TTF1: variants seen among roughly 807,000 people sequenced by gnomAD.
TTF1 encodes the protein transcription termination factor 1, also known as transcription termination factor, RNA polymerase I.
TTF1 carries 64 observed loss-of-function variants against 80.2 expected under a neutral mutation model. The observed-to-expected ratio is 0.80, with a 90% CI of 0.65 to 0.98. The LOEUF is 0.98. Among genes scored for constraint, TTF1 ranks in the 50% least tolerant of loss-of-function variants. TTF1 has a pLI of 0.00. For synonymous variants in TTF1, 372 were observed against 382.7 expected, an observed-to-expected ratio of 0.97 and a Z score of 0.33; for missense variants, 1,023 against 1,086.2, an observed-to-expected ratio of 0.94 and a Z score of 0.82.
rs139715208 is a variant in TTF1 at position 132,405,182 on chromosome 9, G to C, written c.-8+1608C>G. 3.1e-3 allele frequency among the ~76,000 whole-genome samples: 462 copies of C among 151,114 alleles called. 2 individuals carry two copies. Among genetic ancestry groups the C allele is most frequent in the African/African-American group, 0.011 (448 of 41,114 alleles). On this transcript the variant is annotated intron_variant, in intron 1 of 10. Transcript: ENST00000334270. The stretch of plus-strand genomic sequence containing the variant: ...GATTACAGGCGTGAGCCACCCACTG[G>C]CTGATTTCTTTTCTTTTCTTTTTTT...
rs1356500744 is a variant in TTF1, at chr9:132,386,539, T to A, written c.2378+17A>T. On this transcript the variant is annotated intron_variant, in intron 9 of 10. Coordinates refer to ENST00000334270, the MANE Select transcript of TTF1 (RefSeq NM_007344.4). ...CTCTATATTTTAATTAGTTTAATAT[T>A]AAACAAATGGTCTTACCCTATGGCA... 3.2e-6 allele frequency: 5 copies of A among 1,587,170 alleles called. No individual in the cohort carries two copies. The highest frequency in any genetic ancestry group is 4.3e-6 in the Non-Finnish European group (5 of 1,158,552).
Position 132,386,713 on chromosome 9 carries a change from T to G in TTF1, c.2313-92A>C, listed in dbSNP as rs1046843671. Reference sequence around the variant, plus strand: ...GTGGAGTGCTGAGAGCTGGAAGGTATGTGCGCTTTCGCCGCATTCCAGCTC... The same window carrying G: ...GTGGAGTGCTGAGAGCTGGAAGGTAGGTGCGCTTTCGCCGCATTCCAGCTC... On this transcript the variant is annotated intron_variant, in intron 8 of 10. Transcript: ENST00000334270. 7.7e-5 allele frequency: 83 copies of G among 1,073,458 alleles called. No individual in the cohort carries two copies. In the African/African-American group the frequency reaches 1.1e-3, roughly 14 times the overall value. 66.5% of individuals were successfully genotyped at this position (1,073,458 alleles called of 1,614,324 possible).
chr9:132,390,936 A>G (rs1849549232), intron 6 of TTF1, 105 bp from the exon 7 acceptor site: 6 of 987,050 alleles, frequency 6.1e-6, no homozygotes, highest in African/African-American at 1.6e-5. Context: ...AATAATGTGC[A>G]TCTCAATTAT....
intron 5 of TTF1, among the ~76,000 whole-genome samples, chr9:132,392,485 G>A (rs547286251): frequency 3.3e-5 from 5 of 152,236 alleles, no homozygotes; most frequent in South Asian, 2.1e-4. Context: ...TGGTGGAAAC[G>A]GCCTTCCTCC....
chr9:132,380,462 T>G (rs1849349609), intron 9 of TTF1, among the ~76,000 whole-genome samples: 1 of 152,198 alleles, frequency 6.6e-6, no homozygotes, highest in African/African-American at 2.4e-5. Flanking sequence ...AGGGAACAAC[T>G]GCCCACAGAC....
chr9:132,405,181 G>C, intron 1 of TTF1, among the ~76,000 whole-genome samples: 1 of 151,212 alleles, frequency 6.6e-6, no homozygotes, highest in East Asian at 2.0e-4. Context: ...GCCACCCACT[G>C]GCTGATTTCT....
intron 1 of TTF1, among the ~76,000 whole-genome samples, chr9:132,403,870 G>A (rs1300384099): frequency 1.3e-5 from 2 of 152,142 alleles, no homozygotes; most frequent in Non-Finnish European, 2.9e-5. Flanking sequence ...AGTTGGATAT[G>A]CCTTGTTAGT....
intron 2 of TTF1, 130 bp downstream of exon 2, chr9:132,401,325 T>G (rs1221842174): frequency 1.2e-5 from 11 of 898,106 alleles, no homozygotes; most frequent in Non-Finnish European, 1.6e-5. Context: ...AATCTCCACC[T>G]CAAAAATAAA....
intron 5 of TTF1, among the ~76,000 whole-genome samples, chr9:132,395,085 G>A (rs1348608661): frequency 6.6e-6 from 1 of 151,930 alleles, no homozygotes; most frequent in Non-Finnish European, 1.5e-5. Context: ...CCAGCTACCC[G>A]GGAGGCTGAG....
chr9:132,377,709 T>C (rs1486165210), intron 10 of TTF1, among the ~76,000 whole-genome samples: 2 of 82,696 alleles, frequency 2.4e-5, no homozygotes, highest in Non-Finnish European at 4.7e-5. Context: ...ATGTGGTGTG[T>C]GTGAGTGCAT....
rs376343351 is a variant in TTF1 at position 132,402,657 on chromosome 9, C to T, written c.165G>A (p.Arg55=). The T allele has an allele frequency of 3.5e-5, 57 of 1,612,460 alleles. No homozygotes were observed. The South Asian group carries it at 4.1e-4, about 12-fold the overall frequency. The part of the protein sequence containing the change: ...EQSQITRRKK[R]KKDFQHLISS... ...AAATGAGATGCTGGAAATCTTTTTT[C>T]CTCTTTTTCCTCCTAGTTATTTGAG... Residue 55 remains arginine, a synonymous_variant, in exon 2 of 11, where the codon AGG becomes AGA. Transcript: ENST00000334270.
chr9:132,394,375 G>T lies in TTF1; in HGVS notation c.1856+2058C>A, dbSNP rs984997941. Among the ~76,000 whole-genome samples, 3 of 151,602 alleles carry T rather than the reference G, an allele frequency of 2.0e-5. 1 individual carries two copies. In the South Asian group the frequency reaches 6.3e-4, roughly 32 times the overall value. On this transcript the variant is annotated intron_variant, in intron 5 of 10. Transcript: ENST00000334270. ...GTTCACAGCAACCTCTGCCTCACAG[G>T]TTCAAGCAATCTTCCTGCCTCAGCC...
chr9:132,404,044 A>G (rs1849816211), intron 1 of TTF1, among the ~76,000 whole-genome samples: 1 of 152,232 alleles, frequency 6.6e-6, no homozygotes, highest in Non-Finnish European at 1.5e-5. Context: ...AACATGTCTT[A>G]TTGTTCTCTT....
rs1160740078 is a variant in TTF1, at chr9:132,388,204, C to T, written c.2247G>A (p.Met749Ile). 4 of 1,610,650 alleles carry T rather than the reference C, an allele frequency of 2.5e-6. No homozygotes were observed. The highest frequency in any genetic ancestry group is 1.3e-5 in the African/African-American group (1 of 74,906). Residue 749 changes from methionine (M) to isoleucine (I), a missense_variant, in exon 8 of 11, where the codon ATG becomes ATA. Physicochemically the swap from Met to Ile is conservative, Grantham distance 10. Coordinates refer to ENST00000334270, the MANE Select transcript of TTF1 (RefSeq NM_007344.4). ...SKWTEILTKR[M>I]TNGRRIYYGM... Reference sequence around the variant, plus strand: ...CATAGTAGATACGCCGACCATTAGTCATCCTCTTGGTTAGAATTTCTGTCC... The same window carrying T: ...CATAGTAGATACGCCGACCATTAGTTATCCTCTTGGTTAGAATTTCTGTCC...
rs762455806 is a variant in TTF1 at position 132,402,236 on chromosome 9, C to A, written c.586G>T (p.Glu196Ter). 2 of 1,614,166 alleles carry A rather than the reference C, an allele frequency of 1.2e-6. No homozygotes were observed. The highest frequency in any genetic ancestry group is 1.7e-5 in the Admixed American group (1 of 60,024). ...CCTGGACCCACAGAAAGCCAGGACT[C>A]CTCCTGGTGGGATTCTGACTGAGGC... ...TLPQSESHQE[E>*]SWLSVGPGGE... The change falls in exon 2 of 11, where the codon GAG (glutamate) becomes TAG (stop). Residue 196 changes from glutamate to a stop codon, truncating the protein, a stop_gained. Coordinates refer to ENST00000334270, the MANE Select transcript of TTF1 (RefSeq NM_007344.4). LOFTEE classifies it high-confidence loss of function.
rs1033370294 is a variant in TTF1, at chr9:132,384,172, G to T, written c.2378+2384C>A. ...TGAACTGGGGTGATGGGTACATGAA[G>T]CTTCATTTATTTTGTATCTGTCTAA... On this transcript the variant is annotated intron_variant, in intron 9 of 10. Coordinates refer to ENST00000334270, the MANE Select transcript of TTF1 (RefSeq NM_007344.4). The surrounding 1 kb of genome is among the most constrained non-coding windows in gnomAD (Gnocchi z 4.1). Among the ~76,000 whole-genome samples, 1 of 152,092 alleles carries T rather than the reference G, an allele frequency of 6.6e-6. No individual in the cohort carries two copies. Among genetic ancestry groups the T allele is most frequent in the Non-Finnish European group, 1.5e-5 (1 of 68,022 alleles).
At chr9:132,386,698 G>C in intron 8 of TTF1, 77 bp from the exon 9 acceptor site, 1 of 1,235,332 alleles carries the variant, frequency 8.1e-7, no homozygotes, top group South Asian at 1.2e-5. Context: ...GTGGAGTGCT[G>C]AGAGCTGGAA....
chr9:132,396,456 G>T lies in TTF1; in HGVS notation c.1833C>A (p.Phe611Leu), dbSNP rs371348195. The change falls in exon 5 of 11, where the codon TTC (phenylalanine) becomes TTA (leucine). Residue 611 changes from phenylalanine (F) to leucine (L), a missense_variant. By Grantham distance (22) the Phe-to-Leu change is conservative (BLOSUM62 0). Coordinates refer to ENST00000334270, the MANE Select transcript of TTF1 (RefSeq NM_007344.4). ...ACCTGCCTTTGTAATTGTTGACATC[G>T]AACATCTTCTTTGCTCGATAGTATA... ...KLIYYRAKKM[F>L]DVNNYKGRYS... 4.3e-6 allele frequency: 7 copies of T among 1,613,996 alleles called. No individual in the cohort carries two copies. The highest frequency in any genetic ancestry group is 5.9e-6 in the Non-Finnish European group (7 of 1,180,036).
chr9:132,378,356 T>A (rs1483927099), intron 10 of TTF1, among the ~76,000 whole-genome samples: 7 of 97,690 alleles, frequency 7.2e-5, no homozygotes, highest in African/African-American at 1.5e-4. Context: ...TGAGTGCATG[T>A]GGTGCGTGTG....
Sources: allele counts gnomAD v4.1 joint callset (sites outside exome capture counted in the v4.1 genomes callset), GRCh38; gene constraint gnomAD v4.1.1; non-coding constraint Gnocchi (gnomAD v3.1); transcripts MANE v1.5; gene names NCBI Gene and HGNC (gene_info 2026-07-23, HGNC 2026-07-21).